The following PRKACA variants were observed in gnomAD, a reference collection of about 807,000 sequenced individuals.
PRKACA encodes the protein protein kinase cAMP-activated catalytic subunit alpha, also known as cAMP-dependent protein kinase catalytic subunit alpha.
A neutral mutation model predicts 45.8 loss-of-function variants in PRKACA; 9 were observed. The ratio of observed to expected loss-of-function variants is 0.20; its 90% confidence interval spans 0.12 to 0.34. The LOEUF is 0.34. PRKACA is among the 10% of genes least tolerant of loss of function. PRKACA has a pLI of 1.00. For missense variants in PRKACA, 238 were observed against 458.6 expected (o/e 0.52, Z 4.39); for synonymous variants, 160 against 178.6 (o/e 0.90, Z 0.83).
chr19:14,108,679 G>A (rs1376691371), intron 1 of PRKACA, among the ~76,000 whole-genome samples: 1 of 151,692 alleles, frequency 6.6e-6, no homozygotes, highest in Non-Finnish European at 1.5e-5. Flanking sequence ...CAAAGTGCTG[G>A]GATTACAGGC....
chr19:14,114,515 T>C (rs924041873), intron 1 of PRKACA, among the ~76,000 whole-genome samples: 1 of 151,958 alleles, frequency 6.6e-6, no homozygotes, highest in Non-Finnish European at 1.5e-5. Flanking sequence ...GGTGCTTTTC[T>C]CTCTTTGCCA....
rs1015526943 is a variant in PRKACA at position 14,097,497 on chromosome 19, G to C, written c.643-14C>G. The C allele has an allele frequency of 6.2e-7, 1 of 1,614,092 alleles. No individual in the cohort carries two copies. Among genetic ancestry groups the C allele is most frequent in the Non-Finnish European group, 8.5e-7 (1 of 1,180,008 alleles). On this transcript the variant is annotated splice_polypyrimidine_tract_variant and intron_variant, in intron 7 of 9. Coordinates refer to ENST00000308677, the MANE Select transcript of PRKACA (RefSeq NM_002730.4). The surrounding 1 kb of genome is among the most constrained non-coding windows in gnomAD (Gnocchi z 5.4). ...CTTGTTGTAGCCCTGGAGCAAGATG[G>C]GGGGGCACAGGGTGAGGAGGAGGCG...
At chr19:14,093,935 T>C in intron 8 of PRKACA, 143 bp from the exon 9 acceptor site, 1 of 819,614 alleles carries the variant, frequency 1.2e-6, no homozygotes, top group Non-Finnish European at 1.9e-6. Flanking sequence ...AACAGCTCCT[T>C]GAGCCTACCC....
In PRKACA at chr19:14,100,810, G is replaced by C. The variant is rs922582266; in HGVS notation, c.419+16C>G. The stretch of plus-strand genomic sequence containing the variant: ...ACACCCTGACAGCCTGATGTGATGG[G>C]GGGTGGCCCGCTTACCTGAACCTTC... On this transcript the variant is annotated intron_variant, in intron 5 of 9. Transcript: ENST00000308677. The C allele has an allele frequency of 1.2e-6, 2 of 1,613,176 alleles. No homozygotes were observed. The highest frequency in any genetic ancestry group is 1.7e-5 in the Admixed American group (1 of 59,992).
At chr19:14,096,842 G>A (rs1977273201) in intron 8 of PRKACA, 1 of 212,382 alleles carries the variant, frequency 4.7e-6, no homozygotes, top group Non-Finnish European at 9.6e-6. Flanking sequence ...GGTGGATGGT[G>A]GGCACTTTGC....
intron 1 of PRKACA, among the ~76,000 whole-genome samples, chr19:14,115,978 A>G (rs1190158789): frequency 6.7e-6 from 1 of 150,362 alleles, no homozygotes; most frequent in Non-Finnish European, 1.5e-5. Flanking sequence ...TTCCCTCCCC[A>G]GCCCCCACCC....
chr19:14,093,141 T>C lies in PRKACA; in HGVS notation c.1027A>G (p.Lys343Glu). Residue 343 changes from lysine (K) to glutamate (E), a missense_variant, in exon 10 of 10, where the codon AAG becomes GAG. By Grantham distance (56) the Lys-to-Glu change is moderately conservative (BLOSUM62 1). Around this residue, in one of 3 missense-constraint regions of PRKACA, gnomAD observed 51 missense variants for 68.6 expected, o/e 0.74. Coordinates refer to ENST00000308677, the MANE Select transcript of PRKACA (RefSeq NM_002730.4). ...AACTCAGAAAACTCCTTGCCACACT[T>C]CTCATTGATGGAGACCCGGATTTCT... ...EEEIRVSINEKCGKEFSEF is the reference protein window; with the variant it reads ...EEEIRVSINEECGKEFSEF 1 of 1,606,046 alleles carries C rather than the reference T, an allele frequency of 6.2e-7. No individual in the cohort carries two copies. The highest frequency in any genetic ancestry group is 1.1e-5 in the South Asian group (1 of 90,974).
chr19:14,104,336 CAAAA>C (rs769115807), intron 3 of PRKACA, among the ~76,000 whole-genome samples: 1 of 48,218 alleles, frequency 2.1e-5, no homozygotes, highest in African/African-American at 7.4e-5. Flanking sequence ...GACTCCGTCT[CAAAA>C]AAAAAAAAAA....
At position 14,096,959 on chromosome 19, in the gene PRKACA, T is replaced by C. The variant is rs10418503; in HGVS notation, c.765+402A>G. 468 of 318,294 alleles carry C rather than the reference T, an allele frequency of 1.5e-3. 1 individual carries two copies. Among genetic ancestry groups the C allele is most frequent in the African/African-American group, 9.7e-3 (449 of 46,360 alleles). The allele number at this position is 318,294 out of a possible 1,614,324, so 19.7% of individuals were successfully genotyped here. ...GGAAGCATGGGCTATAAATGCTAAG[T>C]GAGGGCAATCCTGGGTGAGGCTATG... On this transcript the variant is annotated intron_variant, in intron 8 of 9. Coordinates refer to ENST00000308677, the MANE Select transcript of PRKACA (RefSeq NM_002730.4).
chr19:14,097,532 G>A lies in PRKACA; in HGVS notation c.642+47C>T, dbSNP rs767700974. The A allele has an allele frequency of 1.9e-6, 3 of 1,613,584 alleles. No individual in the cohort carries two copies. Among genetic ancestry groups the A allele is most frequent in the Non-Finnish European group, 1.7e-6 (2 of 1,179,668 alleles). On this transcript the variant is annotated intron_variant, in intron 7 of 9. Coordinates refer to ENST00000308677, the MANE Select transcript of PRKACA (RefSeq NM_002730.4). This position sits in a 1 kb window ranked among gnomAD's most constrained non-coding sequence, Gnocchi z 5.4. Reference sequence around the variant, plus strand: ...GGGTGAGGAGGAGGCGAGAGCAGGAGAGCAGAGCCGGCCTCAGGGGAAGGG... The same window carrying A: ...GGGTGAGGAGGAGGCGAGAGCAGGAAAGCAGAGCCGGCCTCAGGGGAAGGG...
chr19:14,110,815 C>T (rs1405614388), intron 1 of PRKACA, among the ~76,000 whole-genome samples: 1 of 152,180 alleles, frequency 6.6e-6, no homozygotes, highest in Non-Finnish European at 1.5e-5. Flanking sequence ...TCTGAGGTCA[C>T]TTGCCTGCCC....
chr19:14,114,101 G>A (rs1292687982), intron 1 of PRKACA: 2 of 1,604,040 alleles, frequency 1.2e-6, no homozygotes, highest in Non-Finnish European at 1.7e-6. Context: ...AGTGTGCCTA[G>A]GAAGTTGCTA....
At chr19:14,114,739 C>T (rs1178552609) in intron 1 of PRKACA, among the ~76,000 whole-genome samples, 1 of 152,148 alleles carries the variant, frequency 6.6e-6, no homozygotes, top group Non-Finnish European at 1.5e-5. Context: ...TTTCTTGGCC[C>T]TCTCAGCTCT....
Position 14,093,788 on chromosome 19 carries a change from C to T in PRKACA, c.770G>A (p.Arg257His), listed in dbSNP as rs763766541. The part of the protein sequence containing the change: ...IYEKIVSGKV[R>H]FPSHFSSDLK... ...GTCAGAGCTGAAGTGGGAAGGGAAG[C>T]GCACCTGGAGGAAGGGGTACAAGGA... Residue 257 changes from arginine (R) to histidine (H), a missense_variant, in exon 9 of 10, where the codon CGC (arginine) becomes CAC (histidine). Around this residue, in one of 3 missense-constraint regions of PRKACA, gnomAD observed 94 missense variants for 240.9 expected, o/e 0.39. Coordinates refer to ENST00000308677, the MANE Select transcript of PRKACA (RefSeq NM_002730.4). 5.0e-6 allele frequency: 8 copies of T among 1,611,766 alleles called. No individual in the cohort carries two copies. Among genetic ancestry groups the T allele is most frequent in the South Asian group, 1.1e-5 (1 of 90,792 alleles).
At chr19:14,098,418 G>A (rs1390246617) in intron 5 of PRKACA, 1 of 160,760 alleles carries the variant, frequency 6.2e-6, no homozygotes, top group African/African-American at 2.4e-5. Flanking sequence ...GACCAGCCTG[G>A]GCAATATAGG....
chr19:14,104,468 C>G (rs953685815), intron 3 of PRKACA, among the ~76,000 whole-genome samples: 5 of 147,402 alleles, frequency 3.4e-5, no homozygotes, highest in Non-Finnish European at 7.5e-5. Flanking sequence ...AGGCCGAGGC[C>G]GGTGGATTAC....
intron 1 of PRKACA, chr19:14,114,282 G>A (rs1416704297): frequency 1.5e-6 from 2 of 1,357,518 alleles, no homozygotes; most frequent in Non-Finnish European, 2.0e-6. Context: ...CCGTGGGGTG[G>A]GAGCAGGAAG....
intron 1 of PRKACA, among the ~76,000 whole-genome samples, chr19:14,113,086 A>G (rs1967015347): frequency 6.6e-6 from 1 of 152,040 alleles, no homozygotes; most frequent in African/African-American, 2.4e-5. Flanking sequence ...TTTTGCTCCT[A>G]TGCGGGGGTG....
intron 1 of PRKACA, among the ~76,000 whole-genome samples, chr19:14,109,968 ATATATATATAT>A (rs1966913769): frequency 2.4e-5 from 1 of 42,488 alleles, no homozygotes. Flanking sequence ...AAAAAAAAAT[ATATATATATAT>A]ATATATATAT....
Sources: allele counts gnomAD v4.1 joint callset (sites outside exome capture counted in the v4.1 genomes callset), GRCh38; gene constraint gnomAD v4.1.1; regional missense constraint gnomAD v4.1.1; non-coding constraint Gnocchi (gnomAD v3.1); transcripts MANE v1.5; gene names NCBI Gene and HGNC (gene_info 2026-07-23, HGNC 2026-07-21).